The following BRCA1 variants were observed in gnomAD, a reference collection of about 807,000 sequenced individuals.
The protein encoded by BRCA1 is breast cancer type 1 susceptibility protein.
A neutral mutation model predicts 173.7 loss-of-function variants in BRCA1; 140 were observed. The observed-to-expected ratio is 0.81, with a 90% CI of 0.70 to 0.93. BRCA1 has a LOEUF of 0.93. Among genes scored for constraint, BRCA1 ranks in the 40% least tolerant of loss-of-function variants. The pLI, the probability that BRCA1 is intolerant of heterozygous loss-of-function variation, is 0.00. For missense variants in BRCA1, 1,983 were observed against 2,172.5 expected (o/e 0.91, Z 1.73); for synonymous variants, 662 against 756.0 (o/e 0.88, Z 2.04).
intron 1 of BRCA1, among the ~76,000 whole-genome samples, chr17:43,136,393 A>G (rs1362559036): frequency 6.6e-6 from 1 of 152,222 alleles, no homozygotes; most frequent in Non-Finnish European, 1.5e-5. Context: ...TTCATGACTA[A>G]AACACCAAAA....
intron 3 of BRCA1, among the ~76,000 whole-genome samples, chr17:43,113,810 C>A (rs999469708): frequency 6.6e-6 from 1 of 152,080 alleles, no homozygotes; most frequent in Non-Finnish European, 1.5e-5. Flanking sequence ...CAGCCAGGCG[C>A]GGTGGCTTAC....
At chr17:43,128,206 C>CA, upstream of BRCA1, among the ~76,000 whole-genome samples, 1 of 152,250 alleles carries the variant, frequency 6.6e-6, no homozygotes, top group African/African-American at 2.4e-5. Flanking sequence ...CAGAGGTCTG[C>CA]AGCTTCACTC....
At chr17:43,147,106 G>A (rs952616481) in intron 1 of BRCA1, among the ~76,000 whole-genome samples, 3 of 151,992 alleles carry the variant, frequency 2.0e-5, no homozygotes, top group African/African-American at 7.2e-5. Flanking sequence ...CTGGGTTCAA[G>A]CAATTCTGCC....
At chr17:43,159,251 A>G (rs2056218123) in intron 1 of BRCA1, among the ~76,000 whole-genome samples, 1 of 152,232 alleles carries the variant, frequency 6.6e-6, no homozygotes, top group Admixed American at 6.5e-5. Flanking sequence ...TGTATAAAAA[A>G]ACCTCTGCAT....
chr17:43,146,448 A>G (rs1226763064), intron 1 of BRCA1, among the ~76,000 whole-genome samples: 1 of 151,602 alleles, frequency 6.6e-6, no homozygotes, highest in Admixed American at 6.6e-5. Context: ...AGCTGGGACT[A>G]CAGGCACCCT....
chr17:43,100,100 C>A (rs2054318617), intron 6 of BRCA1, among the ~76,000 whole-genome samples: 1 of 152,130 alleles, frequency 6.6e-6, no homozygotes, highest in South Asian at 2.1e-4. Flanking sequence ...GAGGCTGGAG[C>A]AGGACTGCTT....
upstream of BRCA1, among the ~76,000 whole-genome samples, chr17:43,126,826 G>T (rs1054975166): frequency 6.6e-6 from 1 of 152,178 alleles, no homozygotes; most frequent in Non-Finnish European, 1.5e-5. Context: ...CTCTGCTTGC[G>T]GGGAAGTGTG....
At position 43,060,530 on chromosome 17, in the gene BRCA1, C is replaced by T. The variant is rs35330014; in HGVS notation, c.5193+2803G>A. On this transcript the variant is annotated intron_variant, in intron 18 of 22. Coordinates refer to ENST00000357654, the MANE Select transcript of BRCA1 (RefSeq NM_007294.4). ...TCTTGAGACAGGAGTCTTGCTCTGT[C>T]GTTCAGGCTGGAGTGCAGTGATGCG... 0.31 allele frequency among the ~76,000 whole-genome samples: 47,052 copies of T among 151,098 alleles called. 7,685 individuals are homozygous for T. Among genetic ancestry groups the T allele is most frequent in the South Asian group, 0.49 (2,364 of 4,778 alleles).
In BRCA1 at chr17:43,045,613, T is replaced by A. The variant is rs1201063821; in HGVS notation, c.*65A>T. ...AAGAGTGAGAGGAGCTCCCAGGGCC[T>A]GGAAAGGCCACTTTGTAAGCTCATT... On this transcript the variant is annotated 3_prime_UTR_variant, in exon 23 of 23. Coordinates refer to ENST00000357654, the MANE Select transcript of BRCA1 (RefSeq NM_007294.4). The A allele has an allele frequency of 6.2e-7, 1 of 1,610,018 alleles. No homozygotes were observed.
At chr17:43,143,618 A>G (rs377517061) in intron 1 of BRCA1, among the ~76,000 whole-genome samples, 7 of 152,338 alleles carry the variant, frequency 4.6e-5, no homozygotes, top group East Asian at 3.9e-4. Flanking sequence ...CATGTTCACT[A>G]ACTTACCAAA....
chr17:43,124,009 T>C lies in BRCA1; in HGVS notation c.80+8A>G, dbSNP rs1567823093. 1 of 1,605,290 alleles carries C rather than the reference T, an allele frequency of 6.2e-7. No individual in the cohort carries two copies. The highest frequency in any genetic ancestry group is 8.5e-7 in the Non-Finnish European group (1 of 1,172,008). On this transcript the variant is annotated splice_region_variant and intron_variant, in intron 2 of 22. Transcript: ENST00000357654. ...ATCCCAAATTAATACACTCTTGTGC[T>C]GACTTACCAGATGGGACACTCTAAG...
At chr17:43,052,121 C>T (rs1294947294) in intron 19 of BRCA1, among the ~76,000 whole-genome samples, 5 of 152,172 alleles carry the variant, frequency 3.3e-5, no homozygotes. Context: ...TGCACTGCCT[C>T]TTCCACTTAC....
chr17:43,165,740 T>C (rs920199050), intron 1 of BRCA1: 23 of 151,770 alleles, frequency 1.5e-4, no homozygotes, highest in African/African-American at 3.6e-4. Context: ...CTTTTTTTTT[T>C]CGAAGATGAT....
At chr17:43,138,899 T>G (rs765957727) in intron 1 of BRCA1, 1 of 778,854 alleles carries the variant, frequency 1.3e-6, no homozygotes, top group Admixed American at 1.7e-5. Context: ...CCTGACTTCT[T>G]CCATCCTCTG....
intron 1 of BRCA1, among the ~76,000 whole-genome samples, chr17:43,142,960 GTGTGTGTATATATA>G (rs1457586553): frequency 7.7e-4 from 98 of 127,974 alleles, no homozygotes; most frequent in Admixed American, 1.5e-3. Flanking sequence ...ATGTGTGTGT[GTGTGTGTATATATA>G]TGTGTGTATA....
intron 3 of BRCA1, among the ~76,000 whole-genome samples, chr17:43,110,775 C>A (rs2055000415): frequency 1.3e-5 from 2 of 151,794 alleles, no homozygotes; most frequent in Admixed American, 1.3e-4. Context: ...AGCTCAAGAC[C>A]AGCTTGGTCA....
chr17:43,115,652 G>T, intron 3 of BRCA1, 74 bp downstream of exon 3: 1 of 1,398,092 alleles, frequency 7.2e-7, no homozygotes, highest in Non-Finnish European at 1.0e-6. Flanking sequence ...CTTCTATAAA[G>T]TTAGGTGTTT....
intron 1 of BRCA1, 27 bp from the exon 2 acceptor site, chr17:43,124,142 A>C: frequency 7.9e-7 from 1 of 1,259,858 alleles, no homozygotes; most frequent in East Asian, 2.5e-5. Flanking sequence ...AAACATATAT[A>C]TATATCTTTT....
chr17:43,050,025 A>G, intron 20 of BRCA1: 1 of 398,580 alleles, frequency 2.5e-6, no homozygotes, highest in Non-Finnish European at 4.4e-6. Flanking sequence ...ATAAAAATCC[A>G]ATTGATAACT....
Sources: gnomAD v4.1 joint callset for allele counts (sites outside exome capture counted in the v4.1 genomes callset) on GRCh38, gnomAD v4.1.1 for gene constraint, MANE v1.5 for transcripts, NCBI Gene and HGNC (gene_info 2026-07-23, HGNC 2026-07-21) for gene names.